The following MAP2K5 variants were observed in gnomAD, a reference collection of about 807,000 sequenced individuals.
MAP2K5 encodes dual specificity mitogen-activated protein kinase kinase 5.
In MAP2K5, 49 loss-of-function variants were observed where a neutral mutation model predicts 83.1. The observed-to-expected ratio is 0.59, with a 90% confidence interval of 0.47 to 0.75. The LOEUF is 0.75. Ranked by LOEUF, MAP2K5 falls within the 30% of genes least tolerant of loss-of-function variation. MAP2K5 has a pLI of 0.00. For synonymous variants in MAP2K5, 202 were observed against 191.8 expected (o/e 1.05, Z -0.44); for missense variants, 457 against 557.5 (o/e 0.82, Z 1.82).
At chr15:67,716,264 C>T (rs2088824184) in intron 16 of MAP2K5, among the ~76,000 whole-genome samples, 1 of 152,064 alleles carries the variant, frequency 6.6e-6, no homozygotes, top group South Asian at 2.1e-4. Context: ...TCCCTTGAGC[C>T]CAGGAGTTTG....
chr15:67,609,882 T>A (rs1365655128), intron 8 of MAP2K5, among the ~76,000 whole-genome samples: 1 of 152,058 alleles, frequency 6.6e-6, no homozygotes, highest in Non-Finnish European at 1.5e-5. Context: ...AAGATTAAGA[T>A]AGGCATGAAC....
chr15:67,761,997 A>G (rs1159127834), intron 19 of MAP2K5, among the ~76,000 whole-genome samples: 1 of 152,242 alleles, frequency 6.6e-6, no homozygotes, highest in Non-Finnish European at 1.5e-5. Context: ...GTATAGGAAC[A>G]AGGTAAAAGC....
At chr15:67,666,582 T>C (rs1738065525) in intron 13 of MAP2K5, among the ~76,000 whole-genome samples, 1 of 152,170 alleles carries the variant, frequency 6.6e-6, no homozygotes, top group South Asian at 2.1e-4. Context: ...CTTCTTTTCA[T>C]CCCTGGTTGC....
At chr15:67,706,847 G>A (rs2088566887) in intron 16 of MAP2K5, among the ~76,000 whole-genome samples, 2 of 152,156 alleles carry the variant, frequency 1.3e-5, no homozygotes, top group South Asian at 4.1e-4. Context: ...AAGAGAAGTA[G>A]GAGGTTATGA....
In MAP2K5 at chr15:67,722,713, T is replaced by A. The variant is rs1016195898; in HGVS notation, c.1045-5203T>A. Among the ~76,000 whole-genome samples, 3 of 152,230 alleles carry A rather than the reference T, an allele frequency of 2.0e-5. No homozygotes were observed. The highest frequency in any genetic ancestry group is 6.5e-5 in the Admixed American group (1 of 15,282). On this transcript the variant is annotated intron_variant, in intron 16 of 21. Coordinates refer to ENST00000178640, the MANE Select transcript of MAP2K5 (RefSeq NM_145160.3). This position sits in a 1 kb window ranked among gnomAD's most constrained non-coding sequence, Gnocchi z 4.2. ...TATGTAATCCAGTAGTTAAGTCTGA[T>A]TTTTTAAAGTTTCCCTGTGTCTGAG... is the stretch of plus-strand genomic sequence containing the variant.
intron 15 of MAP2K5, among the ~76,000 whole-genome samples, chr15:67,699,055 A>C (rs1025979770): frequency 3.3e-5 from 5 of 152,224 alleles, no homozygotes; most frequent in Non-Finnish European, 7.3e-5. Context: ...TAATGAGGAC[A>C]TCAGCTTCTA....
rs531053479 is a variant in MAP2K5 at position 67,572,148 on chromosome 15, G to A, written c.253-8606G>A. On this transcript the variant is annotated intron_variant, in intron 3 of 21. Transcript: ENST00000178640. This position sits in a 1 kb window ranked among gnomAD's most constrained non-coding sequence, Gnocchi z 4.2. ...CAGGTGGAGTAAGTTAGGACAAGGGGACTAGGAAGGATGTTTGGGGCAGAA... is the reference window on the plus strand; with the variant it reads ...CAGGTGGAGTAAGTTAGGACAAGGGAACTAGGAAGGATGTTTGGGGCAGAA... Among the ~76,000 whole-genome samples the A allele has an allele frequency of 4.6e-5, 7 of 152,266 alleles. No homozygotes were observed. Among genetic ancestry groups the A allele is most frequent in the African/African-American group, 1.7e-4 (7 of 41,538 alleles).
rs191707135 is a variant in MAP2K5, at chr15:67,780,982, G to A, written c.1242+8230G>A. The stretch of plus-strand genomic sequence containing the variant: ...GGTTATTAGAGAGCCAAAACCTAGA[G>A]GAGACCTCCTGGCTAGCACCATCTT... On this transcript the variant is annotated intron_variant, in intron 21 of 21. Coordinates refer to ENST00000178640, the MANE Select transcript of MAP2K5 (RefSeq NM_145160.3). The surrounding 1 kb of genome is among the most constrained non-coding windows in gnomAD (Gnocchi z 5.0). Among the ~76,000 whole-genome samples, 44 of 152,306 alleles carry A rather than the reference G, an allele frequency of 2.9e-4. No homozygotes were observed. The highest frequency in any genetic ancestry group is 9.9e-4 in the African/African-American group (41 of 41,574).
At chr15:67,569,005 CAAA>C (rs71142380) in intron 3 of MAP2K5, among the ~76,000 whole-genome samples, 2 of 91,206 alleles carry the variant, frequency 2.2e-5, no homozygotes, top group Non-Finnish European at 2.2e-5. Flanking sequence ...GACTCCATCT[CAAA>C]AAAAAAAAAA....
At chr15:67,641,676 T>A (rs12906959) in intron 9 of MAP2K5, 13,629 of 935,184 alleles carry the variant, frequency 0.015, 107 homozygotes, top group Non-Finnish European at 0.016. Flanking sequence ...AGTTTCTCAC[T>A]TAACCCTTTC....
At position 67,587,701 on chromosome 15, in the gene MAP2K5, T is replaced by G. The variant is rs571417596; in HGVS notation, c.431+788T>G. Among the ~76,000 whole-genome samples, 30 of 152,316 alleles carry G rather than the reference T, an allele frequency of 2.0e-4. No homozygotes were observed. Among genetic ancestry groups the G allele is most frequent in the African/African-American group, 7.2e-4 (30 of 41,564 alleles). ...AAGCCCTCAGAACGTGGTTGTTCCC[T>G]CTTCCAGGTCAACAGCTCTTCCAGT... On this transcript the variant is annotated intron_variant, in intron 6 of 21. Transcript: ENST00000178640. The surrounding 1 kb of genome is among the most constrained non-coding windows in gnomAD (Gnocchi z 4.8).
At chr15:67,734,744 C>G (rs1197870046) in intron 17 of MAP2K5, among the ~76,000 whole-genome samples, 1 of 152,062 alleles carries the variant, frequency 6.6e-6, no homozygotes, top group East Asian at 1.9e-4. Context: ...TAGAATCTAT[C>G]CTTTGTTGCA....
chr15:67,642,200 T>G (rs2086727260), intron 9 of MAP2K5, among the ~76,000 whole-genome samples: 1 of 152,312 alleles, frequency 6.6e-6, no homozygotes, highest in East Asian at 1.9e-4. Context: ...TTAAATTCAG[T>G]TTAAAATCAA....
Position 67,573,552 on chromosome 15 carries a change from C to T in MAP2K5, c.253-7202C>T, listed in dbSNP as rs2084991832. ...TCCAATTAAACATGAGATTTGTGGG[C>T]GGGTACACAAATCCAAACCATATCA... is the stretch of plus-strand genomic sequence containing the variant. On this transcript the variant is annotated intron_variant, in intron 3 of 21. Coordinates refer to ENST00000178640, the MANE Select transcript of MAP2K5 (RefSeq NM_145160.3). This position sits in a 1 kb window ranked among gnomAD's most constrained non-coding sequence, Gnocchi z 4.2. Among the ~76,000 whole-genome samples, 1 of 151,886 alleles carries T rather than the reference C, an allele frequency of 6.6e-6. No homozygotes were observed. Among genetic ancestry groups the T allele is most frequent in the Non-Finnish European group, 1.5e-5 (1 of 67,958 alleles).
In MAP2K5 at chr15:67,746,301, G is replaced by T. The variant is rs1414942546; in HGVS notation, c.1075-1930G>T. On this transcript the variant is annotated intron_variant, in intron 17 of 21. Transcript: ENST00000178640. This position sits in a 1 kb window ranked among gnomAD's most constrained non-coding sequence, Gnocchi z 4.1. ...TTGCTGCATGTTCTCCTCAGAGAAT[G>T]TTGTCATCCCCCTGACTCTTGGAAA... Among the ~76,000 whole-genome samples the T allele has an allele frequency of 6.6e-6, 1 of 152,126 alleles. No individual in the cohort carries two copies. Among genetic ancestry groups the T allele is most frequent in the Non-Finnish European group, 1.5e-5 (1 of 68,002 alleles).
chr15:67,747,532 A>T lies in MAP2K5; in HGVS notation c.1075-699A>T, dbSNP rs1469224058. On this transcript the variant is annotated intron_variant, in intron 17 of 21. Coordinates refer to ENST00000178640, the MANE Select transcript of MAP2K5 (RefSeq NM_145160.3). This position sits in a 1 kb window ranked among gnomAD's most constrained non-coding sequence, Gnocchi z 4.1. Reference sequence around the variant, plus strand: ...AGTAGCTTTGTAAGAAATGCAGTTTATCAGTGTTAAATGTGTGAGCAGCCT... The same window carrying T: ...AGTAGCTTTGTAAGAAATGCAGTTTTTCAGTGTTAAATGTGTGAGCAGCCT... Among the ~76,000 whole-genome samples, 1 of 152,220 alleles carries T rather than the reference A, an allele frequency of 6.6e-6. No individual in the cohort carries two copies. Among genetic ancestry groups the T allele is most frequent in the Non-Finnish European group, 1.5e-5 (1 of 68,040 alleles).
chr15:67,701,760 T>A (rs2088424710), intron 15 of MAP2K5, among the ~76,000 whole-genome samples: 1 of 152,200 alleles, frequency 6.6e-6, no homozygotes, highest in African/African-American at 2.4e-5. Context: ...GTATTAACAG[T>A]GAGCACCTCA....
chr15:67,803,816 A>C (rs985829192), intron 21 of MAP2K5, among the ~76,000 whole-genome samples: 30 of 152,178 alleles, frequency 2.0e-4, no homozygotes, highest in Non-Finnish European at 2.2e-4. Context: ...GGTAGAAACA[A>C]GATGAGGGGG....
In MAP2K5 at chr15:67,786,754, A is replaced by G. The variant is rs892809383; in HGVS notation, c.1242+14002A>G. Among the ~76,000 whole-genome samples, 6 of 152,234 alleles carry G rather than the reference A, an allele frequency of 3.9e-5. No homozygotes were observed. Among genetic ancestry groups the G allele is most frequent in the African/African-American group, 1.2e-4 (5 of 41,464 alleles). Reference sequence around the variant, plus strand: ...GAACGCTCTCCACCTCTAGTTGCTTATCTACAAAAATAGAGTATCGCAAAG... The same window carrying G: ...GAACGCTCTCCACCTCTAGTTGCTTGTCTACAAAAATAGAGTATCGCAAAG... On this transcript the variant is annotated intron_variant, in intron 21 of 21. Transcript: ENST00000178640. This position sits in a 1 kb window ranked among gnomAD's most constrained non-coding sequence, Gnocchi z 4.7.
Sources: allele counts gnomAD v4.1 joint callset (sites outside exome capture counted in the v4.1 genomes callset), GRCh38; gene constraint gnomAD v4.1.1; non-coding constraint Gnocchi (gnomAD v3.1); transcripts MANE v1.5; gene names NCBI Gene and HGNC (gene_info 2026-07-23, HGNC 2026-07-21).